ZNF547: variants seen among roughly 807,000 people sequenced by gnomAD.
ZNF547 encodes zinc finger protein 547.
A neutral mutation model predicts 7.7 loss-of-function variants in ZNF547; 4 were observed. The ratio of observed to expected loss-of-function variants is 0.52; its 90% CI spans 0.26 to 1.20. ZNF547 has a LOEUF of 1.20. ZNF547 is among the 50% of genes most tolerant of loss of function. ZNF547 has a pLI of 0.14. For synonymous variants in ZNF547, 166 were observed against 166.2 expected (o/e 1.00, Z 0.01); for missense variants, 449 against 485.8 (o/e 0.92, Z 0.71).
intron 1 of ZNF547, among the ~76,000 whole-genome samples, chr19:57,367,486 ATTTGGTAGGGAAG>A (rs1382435153): frequency 1.3e-5 from 2 of 151,898 alleles, no homozygotes; most frequent in Non-Finnish European, 2.9e-5. Flanking sequence ...TGAGGATCCA[ATTTGGTAGGGAAG>A]TCTAAAGGTC....
intron 1 of ZNF547, among the ~76,000 whole-genome samples, chr19:57,367,426 G>GAAAAAAA (rs750776299): frequency 6.1e-5 from 4 of 65,700 alleles, no homozygotes; most frequent in Admixed American, 1.7e-4. Flanking sequence ...GTTTGTTCAA[G>GAAAAAAA]AAAAAAAAAA....
At chr19:57,372,536 C>A (rs1344971640) in intron 3 of ZNF547, among the ~76,000 whole-genome samples, 1 of 152,134 alleles carries the variant, frequency 6.6e-6, no homozygotes, top group African/African-American at 2.4e-5. Flanking sequence ...GGGACATGAT[C>A]CTGGTTCCTG....
At chr19:57,366,080 G>T (rs2088467330) in intron 1 of ZNF547, among the ~76,000 whole-genome samples, 1 of 151,434 alleles carries the variant, frequency 6.6e-6, no homozygotes, top group Non-Finnish European at 1.5e-5. Flanking sequence ...GGTCAGGCTG[G>T]TCTTGAACTC....
chr19:57,378,131 A>G lies in ZNF547; in HGVS notation c.1155A>G (p.Lys385=). The part of the protein sequence containing the change: ...TAAKQCSECG[K]FFRYNSTLLR... ...CAAAGCAGTGCAGTGAATGTGGGAA[A>G]TTCTTTAGGTATAACTCTACACTTC... Residue 385 remains lysine, a synonymous_variant, in exon 4 of 4, where the codon AAA becomes AAG. Transcript: ENST00000282282. 1.2e-6 allele frequency: 2 copies of G among 1,613,728 alleles called. No individual in the cohort carries two copies. The highest frequency in any genetic ancestry group is 8.5e-7 in the Non-Finnish European group (1 of 1,179,634).
chr19:57,368,152 T>C (rs1432487887), intron 1 of ZNF547: 1 of 163,422 alleles, frequency 6.1e-6, no homozygotes, highest in Non-Finnish European at 1.3e-5. Flanking sequence ...TAGTATCCTC[T>C]AAAATTTTAA....
Position 57,377,346 on chromosome 19 carries a change from C to T in ZNF547, c.370C>T (p.His124Tyr), listed in dbSNP as rs151324019. Reference sequence around the variant, plus strand: ...CACGTGTCCAGCACATCTTCACCAGCACCAAAAGGAGCAGATTAGAGAGAA... The same window carrying T: ...CACGTGTCCAGCACATCTTCACCAGTACCAAAAGGAGCAGATTAGAGAGAA... ...LYTCPAHLHQ[H>Y]QKEQIREKLS... The change falls in exon 4 of 4, where the codon CAC becomes TAC. Residue 124 changes from histidine to tyrosine, a missense_variant. Transcript: ENST00000282282. 3.8e-5 allele frequency: 62 copies of T among 1,614,240 alleles called. No homozygotes were observed. In the African/African-American group the frequency reaches 7.3e-4, roughly 19 times the overall value.
At chr19:57,374,457 A>G (rs1568526373) in intron 3 of ZNF547, among the ~76,000 whole-genome samples, 1 of 152,196 alleles carries the variant, frequency 6.6e-6, no homozygotes, top group Non-Finnish European at 1.5e-5. Flanking sequence ...GGCTGCCGGG[A>G]AGGTCTCTGA....
At chr19:57,365,021 C>T (rs2088455148) in intron 1 of ZNF547, 8 of 1,612,474 alleles carry the variant, frequency 5.0e-6, no homozygotes, top group African/African-American at 2.7e-5. Flanking sequence ...TACTTGAAAA[C>T]TGTGGACAAG....
intron 3 of ZNF547, among the ~76,000 whole-genome samples, chr19:57,373,113 G>C (rs1017796443): frequency 1.3e-5 from 2 of 152,204 alleles, no homozygotes; most frequent in Non-Finnish European, 2.9e-5. Context: ...CTAAAGGAAA[G>C]AGGTTAATTG....
rs545830924 is a variant in ZNF547 at position 57,377,956 on chromosome 19, A to T, written c.980A>T (p.Asn327Ile). 1 of 1,613,804 alleles carries T rather than the reference A, an allele frequency of 6.2e-7. No homozygotes were observed. The highest frequency in any genetic ancestry group is 1.1e-5 in the South Asian group (1 of 91,056). Residue 327 changes from asparagine to isoleucine, a missense_variant, in exon 4 of 4, where the codon AAT becomes ATT. Asn to Ile is a moderately radical substitution (Grantham distance 149). Transcript: ENST00000282282. ...ACTGGAGAAAGGCCTTATGAGTGCA[A>T]TGAATGTGGGAAATTCTTCAGCTTG... is the stretch of plus-strand genomic sequence containing the variant. ...VHTGERPYEC[N>I]ECGKFFSLKS...
At chr19:57,364,951 T>C in intron 1 of ZNF547, 4 of 1,613,122 alleles carry the variant, frequency 2.5e-6, no homozygotes, top group Non-Finnish European at 3.4e-6. Context: ...TCTGAACCAG[T>C]TCATAGCTCA....
Position 57,378,832 on chromosome 19 carries a change from C to T in ZNF547, c.*647C>T. 1 of 390,866 alleles carries T rather than the reference C, an allele frequency of 2.6e-6. No homozygotes were observed. Among genetic ancestry groups the T allele is most frequent in the African/African-American group, 2.2e-5 (1 of 46,502 alleles). 24.2% of individuals were successfully genotyped at this position (390,866 alleles called of 1,614,324 possible). ...CTTGTAAAATGAAACTCTATAACCA[C>T]CATTAAAAAAACAACTCATTCCCAC... is the stretch of plus-strand genomic sequence containing the variant. On this transcript the variant is annotated 3_prime_UTR_variant, in exon 4 of 4. Coordinates refer to ENST00000282282, the MANE Select transcript of ZNF547 (RefSeq NM_173631.4).
At position 57,377,414 on chromosome 19, in the gene ZNF547, C is replaced by A; in HGVS notation, c.438C>A (p.Asn146Lys). Residue 146 changes from asparagine to lysine, a missense_variant, in exon 4 of 4, where the codon AAC becomes AAA. Coordinates refer to ENST00000282282, the MANE Select transcript of ZNF547 (RefSeq NM_173631.4). ...GAGGAAGACCGACATTTGTGAAGAA[C>A]CACAGAGTTCACATGGCAGGGAAGA... ...GDGGRPTFVK[N>K]HRVHMAGKTF... The A allele has an allele frequency of 6.2e-7, 1 of 1,614,234 alleles. No homozygotes were observed. Among genetic ancestry groups the A allele is most frequent in the Non-Finnish European group, 8.5e-7 (1 of 1,180,046 alleles).
chr19:57,377,620 A>C lies in ZNF547; in HGVS notation c.644A>C (p.Asn215Thr). The C allele has an allele frequency of 1.2e-6, 2 of 1,613,800 alleles. No homozygotes were observed. Among genetic ancestry groups the C allele is most frequent in the Non-Finnish European group, 1.7e-6 (2 of 1,179,902 alleles). Residue 215 changes from asparagine to threonine, a missense_variant, in exon 4 of 4, where the codon AAT (asparagine) becomes ACT (threonine). By Grantham distance (65) the Asn-to-Thr change is moderately conservative (BLOSUM62 0). Coordinates refer to ENST00000282282, the MANE Select transcript of ZNF547 (RefSeq NM_173631.4). ...ACTGGAGAAAGGCCTTATGAGTGCA[A>C]TGAATGTGGGAAAGCCTTTCTTTGT... is the stretch of plus-strand genomic sequence containing the variant. ...THTGERPYEC[N>T]ECGKAFLCKS...
chr19:57,366,039 AT>A (rs2049332185), intron 1 of ZNF547, among the ~76,000 whole-genome samples: 2 of 148,404 alleles, frequency 1.3e-5, no homozygotes, highest in Non-Finnish European at 1.5e-5. Context: ...TAATTTTTGT[AT>A]TTTTAGTAAA....
rs2088542642 is a variant in ZNF547, at chr19:57,377,335, A to T, written c.359A>T (p.His120Leu). The change falls in exon 4 of 4, where the codon CAT becomes CTT. Residue 120 changes from histidine (H) to leucine (L), a missense_variant. His to Leu is a moderately conservative substitution (Grantham distance 99). Coordinates refer to ENST00000282282, the MANE Select transcript of ZNF547 (RefSeq NM_173631.4). ...PEQGLYTCPA[H>L]LHQHQKEQIR... ...CAGGGACTGTACACGTGTCCAGCAC[A>T]TCTTCACCAGCACCAAAAGGAGCAG... 3 of 1,614,262 alleles carry T rather than the reference A, an allele frequency of 1.9e-6. No individual in the cohort carries two copies. Among genetic ancestry groups the T allele is most frequent in the Non-Finnish European group, 2.5e-6 (3 of 1,180,052 alleles).
At chr19:57,368,609 A>G (rs1374768282) in intron 2 of ZNF547, 30 bp downstream of exon 2, 6 of 1,612,526 alleles carry the variant, frequency 3.7e-6, no homozygotes, top group Non-Finnish European at 5.1e-6. Flanking sequence ...CCTTTCACCT[A>G]CCAGTTATCT....
intron 1 of ZNF547, chr19:57,364,811 G>A: frequency 6.3e-7 from 1 of 1,578,422 alleles, no homozygotes. Context: ...GCCTCCCGCT[G>A]CAGGAGCCAT....
At chr19:57,373,282 CTCAGT>C (rs2088517288) in intron 3 of ZNF547, among the ~76,000 whole-genome samples, 1 of 152,138 alleles carries the variant, frequency 6.6e-6, no homozygotes, top group Admixed American at 6.5e-5. Context: ...TGAGAATTTA[CTCAGT>C]TTCATGAGAA....
Sources: allele counts gnomAD v4.1 joint callset (sites outside exome capture counted in the v4.1 genomes callset), GRCh38; gene constraint gnomAD v4.1.1; transcripts MANE v1.5; gene names NCBI Gene and HGNC (gene_info 2026-07-23, HGNC 2026-07-21).